Variants in VPS13D observed in about 807,000 individuals in gnomAD.
VPS13D encodes the protein intermembrane lipid transfer protein VPS13D.
Under a neutral mutation model 461.9 loss-of-function variants are expected in VPS13D, and 187 were observed. That is an observed-to-expected ratio of 0.40 (90% confidence interval 0.36 to 0.46). The LOEUF (loss-of-function observed/expected upper bound fraction) is 0.46. Among genes scored for constraint, VPS13D ranks in the 20% least tolerant of loss-of-function variants. The pLI is 0.60. For missense variants in VPS13D, 4,711 were observed against 5,364.9 expected (o/e 0.88, Z 3.81); for synonymous variants, 1,951 against 1,986.3 (o/e 0.98, Z 0.47).
chr1:12,493,617 G>A (rs1473674475), intron 67 of VPS13D, among the ~76,000 whole-genome samples: 2 of 152,150 alleles, frequency 1.3e-5, no homozygotes, highest in African/African-American at 4.8e-5. Context: ...CTGTTACATG[G>A]TCATACTCGT....
chr1:12,373,652 T>A (rs887275369), intron 54 of VPS13D, 98 bp from the exon 55 acceptor site: 11 of 652,004 alleles, frequency 1.7e-5, no homozygotes, highest in African/African-American at 5.8e-5. Context: ...ATAAAAGTTT[T>A]GGGCATTTGC....
chr1:12,421,706 CGTT>C (rs1024341061), intron 65 of VPS13D, among the ~76,000 whole-genome samples: 67 of 152,276 alleles, frequency 4.4e-4, no homozygotes, highest in South Asian at 8.3e-4. Context: ...TGCTCTGCAC[CGTT>C]GTTATCTGGT....
In VPS13D at chr1:12,333,293, C is replaced by T. The variant is rs760020403; in HGVS notation, c.8355C>T (p.Leu2785=). ...VSWQQQAASR[L]HPPRLKLEAK... ...GGCAACAGCAGGCAGCTAGTCGTCTCCATCCTCCTCGACTGAAGCTAGAAG... is the reference window on the plus strand; with the variant it reads ...GGCAACAGCAGGCAGCTAGTCGTCTTCATCCTCCTCGACTGAAGCTAGAAG... The change falls in exon 38 of 70, where the codon CTC becomes CTT. Residue 2785 remains leucine, a synonymous_variant. Coordinates refer to ENST00000620676, the MANE Select transcript of VPS13D (RefSeq NM_015378.4). 9.3e-6 allele frequency: 15 copies of T among 1,614,154 alleles called. No homozygotes were observed. Among genetic ancestry groups the T allele is most frequent in the Admixed American group, 1.7e-5 (1 of 60,022 alleles).
At position 12,369,626 on chromosome 1, in the gene VPS13D, A is replaced by C; in HGVS notation, c.10732A>C (p.Met3578Leu). ...AGGGTCCTCTGAGATCAACTGCAAC[A>C]TGAATGATTTCCAGGATAATCGGCA... ...GAGSSEINCN[M>L]NDFQDNRQLY... Residue 3578 changes from methionine to leucine, a missense_variant, in exon 54 of 70, where the codon ATG becomes CTG. Coordinates refer to ENST00000620676, the MANE Select transcript of VPS13D (RefSeq NM_015378.4). 6.2e-7 allele frequency: 1 copy of C among 1,614,216 alleles called. No individual in the cohort carries two copies. The highest frequency in any genetic ancestry group is 8.5e-7 in the Non-Finnish European group (1 of 1,180,034).
chr1:12,282,780 A>G lies in VPS13D; in HGVS notation c.4678A>G (p.Lys1560Glu). The change falls in exon 21 of 70, where the codon AAG becomes GAG. Residue 1560 changes from lysine (K) to glutamate (E), a missense_variant. Physicochemically the swap from Lys to Glu is moderately conservative, Grantham distance 56 (BLOSUM62 1). Coordinates refer to ENST00000620676, the MANE Select transcript of VPS13D (RefSeq NM_015378.4). ...DNLVYSEDLN[K>E]YPASATSSPC... ...TCTCGTGTACAGTGAAGATCTGAAT[A>G]AGTATCCAGCCAGTGCTACCTCCTC... 6.2e-7 allele frequency: 1 copy of G among 1,614,066 alleles called. No individual in the cohort carries two copies. The highest frequency in any genetic ancestry group is 8.5e-7 in the Non-Finnish European group (1 of 1,180,000).
rs1311330274 is a variant in VPS13D at position 12,268,758 on chromosome 1, G to A, written c.1854G>A (p.Ala618=). ...VFEMLYERNP[A]HSHFERRLNV... is the part of the protein sequence containing the mutation. The stretch of plus-strand genomic sequence containing the variant: ...AGATGCTGTATGAGAGAAATCCGGC[G>A]CACAGCCACTTTGAGAGGCGGCTCA... Residue 618 remains alanine, a synonymous_variant, in exon 16 of 70, where the codon GCG becomes GCA. Coordinates refer to ENST00000620676, the MANE Select transcript of VPS13D (RefSeq NM_015378.4). 3.1e-6 allele frequency: 5 copies of A among 1,613,968 alleles called. No homozygotes were observed. Among genetic ancestry groups the A allele is most frequent in the Non-Finnish European group, 3.4e-6 (4 of 1,179,984 alleles).
At chr1:12,382,753 A>C (rs1221608184) in intron 57 of VPS13D, among the ~76,000 whole-genome samples, 1 of 152,240 alleles carries the variant, frequency 6.6e-6, no homozygotes, top group African/African-American at 2.4e-5. Flanking sequence ...TCTCTTATTC[A>C]TAATTACCAA....
In VPS13D at chr1:12,244,596, A is replaced by G. The variant is rs769810327; in HGVS notation, c.426A>G (p.Thr142=). 4 of 1,614,206 alleles carry G rather than the reference A, an allele frequency of 2.5e-6. No homozygotes were observed. The highest frequency in any genetic ancestry group is 1.1e-5 in the South Asian group (1 of 91,086). Reference sequence around the variant, plus strand: ...ATTCAGTTACCGCCTCCGTAGTTACAAGGATTGTGGAGAATATTGAAGTAA... The same window carrying G: ...ATTCAGTTACCGCCTCCGTAGTTACGAGGATTGTGGAGAATATTGAAGTAA... The part of the protein sequence containing the change: ...YWYSVTASVV[T]RIVENIELKI... The change falls in exon 5 of 70, where the codon ACA becomes ACG. Residue 142 remains threonine, a synonymous_variant. Transcript: ENST00000620676.
intron 50 of VPS13D, among the ~76,000 whole-genome samples, chr1:12,361,404 T>TC (rs1166315398): frequency 7.8e-6 from 1 of 127,414 alleles, no homozygotes; most frequent in Admixed American, 7.8e-5. Context: ...TATTTATTTA[T>TC]TTTTTTTTTG....
chr1:12,231,765 G>A (rs11586544), intron 1 of VPS13D, among the ~76,000 whole-genome samples: 20,175 of 152,194 alleles, frequency 0.13, 1,561 homozygotes, highest in Middle Eastern at 0.2. Flanking sequence ...AAAGTGGGCA[G>A]ATCGCTTAAG....
At chr1:12,273,292 T>C (rs1266149019) in intron 18 of VPS13D, among the ~76,000 whole-genome samples, 157 bp downstream of exon 18, 1 of 152,240 alleles carries the variant, frequency 6.6e-6, no homozygotes, top group African/African-American at 2.4e-5. Flanking sequence ...AATAATGAAA[T>C]AATGAAAACA....
intron 2 of VPS13D, among the ~76,000 whole-genome samples, chr1:12,242,247 G>T (rs913650154): frequency 6.6e-6 from 1 of 152,188 alleles, no homozygotes; most frequent in Non-Finnish European, 1.5e-5. Context: ...AAGCGTATGG[G>T]CTGGTGGTAG....
chr1:12,418,386 G>A (rs1217084763), intron 65 of VPS13D, among the ~76,000 whole-genome samples: 1 of 152,128 alleles, frequency 6.6e-6, no homozygotes, highest in Non-Finnish European at 1.5e-5. Flanking sequence ...CACTCTTCTT[G>A]CTTTAGCTCT....
At chr1:12,367,553 A>AATAAATTTATTTATTT (rs1553184246) in intron 52 of VPS13D, 1 of 148,878 alleles carries the variant, frequency 6.7e-6, no homozygotes, top group African/African-American at 2.5e-5. Flanking sequence ...GTTGCGATGA[A>AATAAATTTATTTATTT]ATTTATTTAT....
intron 36 of VPS13D, among the ~76,000 whole-genome samples, chr1:12,328,726 G>T (rs1225899078): frequency 6.6e-6 from 1 of 152,134 alleles, no homozygotes; most frequent in Non-Finnish European, 1.5e-5. Flanking sequence ...TTTTAGTAGA[G>T]ACAGGGTTTC....
At chr1:12,403,748 G>GTA in intron 62 of VPS13D, 77 bp from the exon 63 acceptor site, 1 of 1,387,498 alleles carries the variant, frequency 7.2e-7, no homozygotes, top group Non-Finnish European at 9.6e-7. Context: ...TTTTTTCTAT[G>GTA]TGAATACAAA....
chr1:12,415,661 A>T (rs1415087677), intron 64 of VPS13D, among the ~76,000 whole-genome samples: 2 of 151,836 alleles, frequency 1.3e-5, no homozygotes, highest in Admixed American at 1.3e-4. Flanking sequence ...CCAGACTGCA[A>T]AGATCAAAAA....
At chr1:12,420,364 A>G (rs1024258561) in intron 65 of VPS13D, among the ~76,000 whole-genome samples, 10 of 152,172 alleles carry the variant, frequency 6.6e-5, no homozygotes, top group East Asian at 1.9e-4. Flanking sequence ...ACAAGAATCA[A>G]CTGTTGGCCT....
intron 37 of VPS13D, among the ~76,000 whole-genome samples, chr1:12,330,245 G>C (rs897868772): frequency 9.2e-5 from 14 of 152,118 alleles, no homozygotes; most frequent in African/African-American, 3.4e-4. Flanking sequence ...GCGAAACCCT[G>C]TCTCTACTAA....
Sources: gnomAD v4.1 joint callset for allele counts (sites outside exome capture counted in the v4.1 genomes callset) on GRCh38, gnomAD v4.1.1 for gene constraint, MANE v1.5 for transcripts, NCBI Gene and HGNC (gene_info 2026-07-23, HGNC 2026-07-21) for gene names.